The following SLIT3 variants were observed in gnomAD, a reference collection of about 807,000 sequenced individuals.
SLIT3 encodes the protein slit homolog 3 protein.
In SLIT3, 68 loss-of-function variants were observed where a neutral mutation model predicts 184.0. The observed-to-expected ratio is 0.37, with a 90% confidence interval of 0.30 to 0.45. The LOEUF is 0.45. Among genes scored for constraint, SLIT3 ranks in the 20% least tolerant of loss-of-function variants. The pLI is 1.00. For synonymous variants in SLIT3, 831 were observed against 828.6 expected, an observed-to-expected ratio of 1.00 and a Z score of -0.05; for missense variants, 1,707 against 2,026.0, an observed-to-expected ratio of 0.84 and a Z score of 3.02.
In SLIT3 at chr5:168,687,070, T is replaced by G; in HGVS notation, c.3223A>C (p.Asn1075His). Residue 1075 changes from asparagine to histidine, a missense_variant, in exon 30 of 36, where the codon AAT becomes CAT. Transcript: ENST00000519560. ...GYSGKLCETD[N>H]DDCVAHKCRH... is the part of the protein sequence containing the mutation. ...CACTTGTGGGCCACACAGTCATCAT[T>G]GTCTGTCTCACAGAGCTTCCCGCTG... 6.2e-7 allele frequency: 1 copy of G among 1,614,266 alleles called. No homozygotes were observed. Among genetic ancestry groups the G allele is most frequent in the South Asian group, 1.1e-5 (1 of 91,086 alleles).
chr5:168,775,865 G>A (rs910643251), intron 12 of SLIT3, among the ~76,000 whole-genome samples: 28 of 152,278 alleles, frequency 1.8e-4, no homozygotes, highest in African/African-American at 6.0e-4. Context: ...AGGATGCCAC[G>A]AGGGTGACAG....
intron 4 of SLIT3, among the ~76,000 whole-genome samples, chr5:168,985,737 G>A (rs1755101035): frequency 6.6e-6 from 1 of 152,168 alleles, no homozygotes; most frequent in Non-Finnish European, 1.5e-5. Flanking sequence ...GAGGCTGTGA[G>A]GTTTGCAGCT....
At chr5:168,770,862 C>T (rs573982057) in intron 14 of SLIT3, among the ~76,000 whole-genome samples, 1 of 152,200 alleles carries the variant, frequency 6.6e-6, no homozygotes, top group East Asian at 1.9e-4. Context: ...TTTTCCTTTT[C>T]TCCTACTTAG....
intron 3 of SLIT3, among the ~76,000 whole-genome samples, chr5:169,243,037 C>T (rs751297946): frequency 3.9e-5 from 6 of 151,984 alleles, no homozygotes; most frequent in Non-Finnish European, 8.8e-5. Flanking sequence ...CCCCTCCTGA[C>T]CATTCTTTGA....
intron 3 of SLIT3, among the ~76,000 whole-genome samples, chr5:169,207,827 A>C (rs566349405): frequency 6.6e-6 from 1 of 152,276 alleles, no homozygotes; most frequent in South Asian, 2.1e-4. Flanking sequence ...CATGAATGGG[A>C]TTAGTGCTTC....
intron 4 of SLIT3, among the ~76,000 whole-genome samples, chr5:169,002,296 CT>C (rs1755730393): frequency 8.8e-6 from 1 of 113,430 alleles, no homozygotes; most frequent in Non-Finnish European, 1.7e-5. Context: ...GCACTCCAGC[CT>C]GAGCAACAGA....
chr5:169,222,625 G>A (rs976329637), intron 3 of SLIT3, among the ~76,000 whole-genome samples: 1 of 152,182 alleles, frequency 6.6e-6, no homozygotes, highest in African/African-American at 2.4e-5. Context: ...TTTGGTTCAA[G>A]TAGAAGGGTC....
rs1390942223 is a variant in SLIT3 at position 168,815,025 on chromosome 5, C to T, written c.793+2275G>A. 2.6e-5 allele frequency among the ~76,000 whole-genome samples: 4 copies of T among 152,190 alleles called. No individual in the cohort carries two copies. The East Asian group carries it at 7.7e-4, about 29-fold the overall frequency. On this transcript the variant is annotated intron_variant, in intron 8 of 35. Coordinates refer to ENST00000519560, the MANE Select transcript of SLIT3 (RefSeq NM_003062.4). The stretch of plus-strand genomic sequence containing the variant: ...AATATGTCCCTGCCCTTAATTCATA[C>T]TACAGGCGAGAGGGTGGAGGTTAAC...
intron 3 of SLIT3, among the ~76,000 whole-genome samples, chr5:169,221,353 T>C (rs554175629): frequency 9.8e-5 from 15 of 152,322 alleles, no homozygotes; most frequent in Non-Finnish European, 1.3e-4. Flanking sequence ...TTTCTTCCCA[T>C]TCAACAGGCT....
At chr5:169,274,266 G>A (rs1014896662) in intron 1 of SLIT3, among the ~76,000 whole-genome samples, 2 of 152,216 alleles carry the variant, frequency 1.3e-5, no homozygotes, top group African/African-American at 4.8e-5. Flanking sequence ...TTGGAAAAAG[G>A]AAGACATCTC....
At chr5:168,683,728 G>A (rs1198432117) in intron 32 of SLIT3, among the ~76,000 whole-genome samples, 2 of 152,208 alleles carry the variant, frequency 1.3e-5, no homozygotes, top group Non-Finnish European at 2.9e-5. Context: ...ATCTTATGGT[G>A]ATGAGGTGTC....
At chr5:168,719,296 C>T (rs1036881784) in intron 23 of SLIT3, among the ~76,000 whole-genome samples, 1 of 152,246 alleles carries the variant, frequency 6.6e-6, no homozygotes, top group African/African-American at 2.4e-5. Context: ...AGGTGATCCA[C>T]CCGTCTTGGC....
intron 4 of SLIT3, among the ~76,000 whole-genome samples, chr5:169,090,848 G>C (rs984906287): frequency 6.6e-6 from 1 of 152,212 alleles, no homozygotes; most frequent in Non-Finnish European, 1.5e-5. Flanking sequence ...AGACAGCCCT[G>C]TTCACATCTT....
At chr5:168,856,744 G>A (rs1390587841) in intron 5 of SLIT3, among the ~76,000 whole-genome samples, 8 of 148,738 alleles carry the variant, frequency 5.4e-5, no homozygotes, top group African/African-American at 2.0e-4. Context: ...ATTTGCATTT[G>A]CATTTCAGAA....
chr5:169,019,297 G>A (rs1323125353), intron 4 of SLIT3, among the ~76,000 whole-genome samples: 6 of 152,198 alleles, frequency 3.9e-5, no homozygotes, highest in Non-Finnish European at 5.9e-5. Context: ...ACTGCCTTCC[G>A]GGTCACAGCC....
At chr5:169,240,075 T>A (rs867386457) in intron 3 of SLIT3, among the ~76,000 whole-genome samples, 46 of 152,034 alleles carry the variant, frequency 3.0e-4, no homozygotes, top group Middle Eastern at 3.2e-3. Flanking sequence ...TATTTTGGAT[T>A]TTTCTACTTT....
intron 16 of SLIT3, among the ~76,000 whole-genome samples, chr5:168,759,296 C>T (rs1221768773): frequency 1.3e-5 from 2 of 152,180 alleles, no homozygotes; most frequent in African/African-American, 2.4e-5. Context: ...TTTTTATCAA[C>T]CTATCGACGT....
At chr5:168,903,319 G>A (rs1157642689) in intron 4 of SLIT3, among the ~76,000 whole-genome samples, 4 of 152,190 alleles carry the variant, frequency 2.6e-5, no homozygotes, top group Non-Finnish European at 5.9e-5. Context: ...CTTCCTGGGG[G>A]TGCAAACCTG....
intron 4 of SLIT3, among the ~76,000 whole-genome samples, chr5:169,090,511 T>C (rs185762290): frequency 1.3e-5 from 2 of 152,264 alleles, no homozygotes; most frequent in Non-Finnish European, 2.9e-5. Flanking sequence ...CCAGGAAGCC[T>C]TTCCCACCCC....
Sources: gnomAD v4.1 joint callset for allele counts (sites outside exome capture counted in the v4.1 genomes callset) on GRCh38, gnomAD v4.1.1 for gene constraint, MANE v1.5 for transcripts, NCBI Gene and HGNC (gene_info 2026-07-23, HGNC 2026-07-21) for gene names.